The following HS6ST3 variants were observed in gnomAD, a reference collection of about 807,000 sequenced individuals.
HS6ST3 encodes the protein heparan-sulfate 6-O-sulfotransferase 3.
A neutral mutation model predicts 36.7 loss-of-function variants in HS6ST3; 12 were observed. The observed-to-expected ratio is 0.33, with a 90% confidence interval of 0.21 to 0.53. The LOEUF (loss-of-function observed/expected upper bound fraction) is 0.53, where lower values mean the gene tolerates loss of function less well. Ranked by LOEUF, HS6ST3 falls within the 20% of genes least tolerant of loss-of-function variation. The probability of loss-of-function intolerance (pLI) is 0.95; values close to 1 mark genes in which losing one functional copy is unlikely to be tolerated. For synonymous variants in HS6ST3, 240 were observed against 257.5 expected (o/e 0.93, Z 0.65); for missense variants, 584 against 640.9 (o/e 0.91, Z 0.96).
At chr13:96,368,446 C>T (rs1424774290) in intron 1 of HS6ST3, among the ~76,000 whole-genome samples, 1 of 151,560 alleles carries the variant, frequency 6.6e-6, no homozygotes, top group Non-Finnish European at 1.5e-5. Flanking sequence ...AAAAAAAGGA[C>T]TTCTCACATC....
intron 1 of HS6ST3, among the ~76,000 whole-genome samples, chr13:96,418,766 C>T (rs1046089424): frequency 2.6e-5 from 4 of 152,192 alleles, no homozygotes; most frequent in African/African-American, 9.6e-5. Flanking sequence ...GCTGTCTGAG[C>T]TCTACCAGGT....
At chr13:96,231,355 G>A (rs1335500019) in intron 1 of HS6ST3, among the ~76,000 whole-genome samples, 2 of 152,132 alleles carry the variant, frequency 1.3e-5, no homozygotes, top group Non-Finnish European at 2.9e-5. Context: ...ATAAAGAAGT[G>A]CCTAAGAATA....
intron 1 of HS6ST3, among the ~76,000 whole-genome samples, chr13:96,138,832 T>C (rs1249046427): frequency 6.6e-6 from 1 of 152,078 alleles, no homozygotes; most frequent in Admixed American, 6.5e-5. Context: ...AAATTATAAG[T>C]ACAGACTGAT....
chr13:96,317,978 G>A (rs1453740603), intron 1 of HS6ST3, among the ~76,000 whole-genome samples: 1 of 151,996 alleles, frequency 6.6e-6, no homozygotes, highest in African/African-American at 2.4e-5. Flanking sequence ...CACAGTTTGT[G>A]AATATTTTCT....
At chr13:96,385,190 A>G (rs1041512041) in intron 1 of HS6ST3, among the ~76,000 whole-genome samples, 4 of 152,000 alleles carry the variant, frequency 2.6e-5, no homozygotes, top group Non-Finnish European at 5.9e-5. Context: ...CAAAAAAAAA[A>G]AAAAAGAAAA....
intron 1 of HS6ST3, among the ~76,000 whole-genome samples, chr13:96,763,163 A>G (rs1326746725): frequency 6.6e-6 from 1 of 152,066 alleles, no homozygotes; most frequent in African/African-American, 2.4e-5. Flanking sequence ...GTGGACTACT[A>G]AAAAGTTTTC....
chr13:96,123,429 A>T (rs746932868), intron 1 of HS6ST3, among the ~76,000 whole-genome samples: 7 of 152,202 alleles, frequency 4.6e-5, no homozygotes, highest in Non-Finnish European at 1.0e-4. Flanking sequence ...TCAAGTGAGG[A>T]TTGGACAAAT....
intron 1 of HS6ST3, among the ~76,000 whole-genome samples, chr13:96,728,140 A>G (rs1028448535): frequency 2.2e-4 from 34 of 152,306 alleles, no homozygotes; most frequent in African/African-American, 7.9e-4. Context: ...TTGGATAAAT[A>G]AGTAAATAAA....
At chr13:96,240,324 G>T (rs1466753990) in intron 1 of HS6ST3, among the ~76,000 whole-genome samples, 1 of 152,134 alleles carries the variant, frequency 6.6e-6, no homozygotes, top group Non-Finnish European at 1.5e-5. Flanking sequence ...TAGGGGAGGG[G>T]AGTGGATGGG....
chr13:96,508,110 C>T (rs576434823), intron 1 of HS6ST3, among the ~76,000 whole-genome samples: 3 of 152,066 alleles, frequency 2.0e-5, no homozygotes, highest in South Asian at 4.2e-4. Context: ...TGATATCCAC[C>T]GCCCACTATT....
intron 1 of HS6ST3, among the ~76,000 whole-genome samples, chr13:96,781,971 C>T (rs2138514496): frequency 6.6e-6 from 1 of 152,184 alleles, no homozygotes; most frequent in Middle Eastern, 3.4e-3. Flanking sequence ...AAATATGTTC[C>T]CCCCAAATTA....
intron 1 of HS6ST3, among the ~76,000 whole-genome samples, chr13:96,771,930 T>C (rs2138507916): frequency 6.6e-6 from 1 of 152,344 alleles, no homozygotes; most frequent in East Asian, 1.9e-4. Context: ...TACTATGAAA[T>C]ACAGGTTGAT....
At chr13:96,493,127 A>G (rs1187482823) in intron 1 of HS6ST3, among the ~76,000 whole-genome samples, 6 of 152,098 alleles carry the variant, frequency 3.9e-5, no homozygotes, top group Admixed American at 3.9e-4. Flanking sequence ...AACCAGATCC[A>G]CTGTTCCCTG....
chr13:96,740,061 A>G (rs981129599), intron 1 of HS6ST3, among the ~76,000 whole-genome samples: 1 of 151,790 alleles, frequency 6.6e-6, no homozygotes, highest in African/African-American at 2.4e-5. Flanking sequence ...GCCTCTCAAG[A>G]CTCCCTACCT....
At chr13:96,360,945 C>CCCA (rs1555300658) in intron 1 of HS6ST3, among the ~76,000 whole-genome samples, 37 of 130,876 alleles carry the variant, frequency 2.8e-4, no homozygotes, top group African/African-American at 6.7e-4. Context: ...GACCCTGTCC[C>CCCA]AAAAAAAAAA....
At chr13:96,653,941 C>T (rs1012297344) in intron 1 of HS6ST3, among the ~76,000 whole-genome samples, 2 of 152,206 alleles carry the variant, frequency 1.3e-5, no homozygotes, top group Non-Finnish European at 2.9e-5. Context: ...TTTTGATTTG[C>T]ATTTCTCTAA....
At chr13:96,585,687 T>C (rs2056358417) in intron 1 of HS6ST3, among the ~76,000 whole-genome samples, 1 of 152,154 alleles carries the variant, frequency 6.6e-6, no homozygotes, top group Non-Finnish European at 1.5e-5. Context: ...TGGTTCCACA[T>C]GTAAGTGAGA....
intron 1 of HS6ST3, among the ~76,000 whole-genome samples, chr13:96,655,233 A>G (rs2056620811): frequency 1.3e-5 from 2 of 152,132 alleles, no homozygotes; most frequent in South Asian, 4.1e-4. Flanking sequence ...TCATGATGAT[A>G]AGGACTAGAA....
chr13:96,374,181 T>C (rs1303541494), intron 1 of HS6ST3, among the ~76,000 whole-genome samples: 1 of 152,136 alleles, frequency 6.6e-6, no homozygotes, highest in Non-Finnish European at 1.5e-5. Context: ...TGTTTTAATC[T>C]TTACAGTATT....
Sources: gnomAD v4.1 joint callset for allele counts (sites outside exome capture counted in the v4.1 genomes callset) on GRCh38, gnomAD v4.1.1 for gene constraint, MANE v1.5 for transcripts, NCBI Gene and HGNC (gene_info 2026-07-23, HGNC 2026-07-21) for gene names.